Variants in BSDC1 observed in about 807,000 individuals in gnomAD.
The protein encoded by BSDC1 is BSD domain containing 1.
In BSDC1, 29 loss-of-function variants were observed where a neutral mutation model predicts 56.0. That is an observed-to-expected ratio of 0.52 (90% CI 0.39 to 0.71). BSDC1 has a LOEUF of 0.71. Among genes scored for constraint, BSDC1 ranks in the 30% least tolerant of loss-of-function variants. BSDC1 has a pLI of 0.00. For missense variants in BSDC1, 477 were observed against 548.5 expected, an observed-to-expected ratio of 0.87 and a Z score of 1.30; for synonymous variants, 210 against 215.3, an observed-to-expected ratio of 0.98 and a Z score of 0.21.
Position 32,391,473 on chromosome 1 carries a change from A to G in BSDC1, c.72+2607T>C, listed in dbSNP as rs1642864210. On this transcript the variant is annotated intron_variant, in intron 2 of 10. Coordinates refer to ENST00000455895, the MANE Select transcript of BSDC1 (RefSeq NM_018045.8). Reference sequence around the variant, plus strand: ...GGAGGAGAAGCAAATTGGAGACTGAAGAGTATGTGGGCCCAGATGAGGTTG... The same window carrying G: ...GGAGGAGAAGCAAATTGGAGACTGAGGAGTATGTGGGCCCAGATGAGGTTG... Among the ~76,000 whole-genome samples the G allele has an allele frequency of 2.0e-5, 3 of 152,206 alleles. 1 individual carries two copies. Among genetic ancestry groups the G allele is most frequent in the Admixed American group, 2.0e-4 (3 of 15,280 alleles).
chr1:32,382,867 CAAAAAA>C (rs760141230), intron 4 of BSDC1, among the ~76,000 whole-genome samples: 7 of 47,106 alleles, frequency 1.5e-4, no homozygotes, highest in African/African-American at 4.4e-4. Context: ...GAGACCGTCT[CAAAAAA>C]AAAAAAAAAA....
At chr1:32,392,925 G>T (rs1207166679) in intron 2 of BSDC1, among the ~76,000 whole-genome samples, 1 of 152,190 alleles carries the variant, frequency 6.6e-6, no homozygotes, top group Non-Finnish European at 1.5e-5. Flanking sequence ...TTAGCCAGGA[G>T]TAGTGGCACA....
At position 32,378,702 on chromosome 1, in the gene BSDC1, G is replaced by A. The variant is rs1199135651; in HGVS notation, c.528+22C>T. 2.1e-6 allele frequency: 3 copies of A among 1,429,814 alleles called. No homozygotes were observed. The highest frequency in any genetic ancestry group is 2.8e-6 in the Non-Finnish European group (3 of 1,076,676). The allele number at this position is 1,429,814 out of a possible 1,614,324, so 88.6% of individuals were successfully genotyped here. The stretch of plus-strand genomic sequence containing the variant: ...CACCTCAAGCCTGGAGCTGGCTGAG[G>A]CCCTGCAGGCTGGGCCCTCACCATC... On this transcript the variant is annotated intron_variant, in intron 6 of 10. Transcript: ENST00000455895. This position sits in a 1 kb window ranked among gnomAD's most constrained non-coding sequence, Gnocchi z 5.2.
At chr1:32,374,022 C>T (rs988815660) in intron 9 of BSDC1, among the ~76,000 whole-genome samples, 2 of 152,192 alleles carry the variant, frequency 1.3e-5, no homozygotes, top group Non-Finnish European at 2.9e-5. Flanking sequence ...CCTATTACAC[C>T]TGTCAGGCCC....
chr1:32,373,865 G>A (rs1642184614), intron 9 of BSDC1, among the ~76,000 whole-genome samples: 1 of 152,142 alleles, frequency 6.6e-6, no homozygotes, highest in African/African-American at 2.4e-5. Context: ...GGCTAAACTT[G>A]AACCTAATTA....
chr1:32,367,398 G>A, intron 10 of BSDC1: 1 of 985,444 alleles, frequency 1.0e-6, no homozygotes, highest in South Asian at 4.7e-5. Flanking sequence ...CCTGGGTATA[G>A]TGAGGTAGTC....
chr1:32,378,677 C>T lies in BSDC1; in HGVS notation c.528+47G>A. On this transcript the variant is annotated intron_variant, in intron 6 of 10. Transcript: ENST00000455895. The surrounding 1 kb of genome is among the most constrained non-coding windows in gnomAD (Gnocchi z 5.2). ...TGAACATGTCCCTCCCACCTCCCAA[C>T]ACCTCAAGCCTGGAGCTGGCTGAGG... 1.5e-6 allele frequency: 2 copies of T among 1,310,860 alleles called. No individual in the cohort carries two copies. Among genetic ancestry groups the T allele is most frequent in the Non-Finnish European group, 2.0e-6 (2 of 979,524 alleles). The allele number at this position is 1,310,860 out of a possible 1,614,324, so 81.2% of individuals were successfully genotyped here.
rs559928366 is a variant in BSDC1 at position 32,380,920 on chromosome 1, C to T, written c.412+294G>A. ...GGTTTGCTGCATGGCAGGGGCTTAGCTAACAGGAGCTGAAGAGAAGGCAAG... is the reference window on the plus strand; with the variant it reads ...GGTTTGCTGCATGGCAGGGGCTTAGTTAACAGGAGCTGAAGAGAAGGCAAG... On this transcript the variant is annotated intron_variant, in intron 5 of 10. Transcript: ENST00000455895. Among the ~76,000 whole-genome samples, 3 of 152,180 alleles carry T rather than the reference C, an allele frequency of 2.0e-5. No individual in the cohort carries two copies. In the South Asian group the frequency reaches 6.2e-4, roughly 32 times the overall value.
chr1:32,380,152 C>G (rs1332937091), intron 5 of BSDC1, among the ~76,000 whole-genome samples: 3 of 152,230 alleles, frequency 2.0e-5, no homozygotes, highest in Admixed American at 6.5e-5. Flanking sequence ...AAAATTCCAA[C>G]TGCCTGGTCT....
At chr1:32,372,859 G>C (rs146207400) in intron 9 of BSDC1, among the ~76,000 whole-genome samples, 1 of 152,162 alleles carries the variant, frequency 6.6e-6, no homozygotes, top group African/African-American at 2.4e-5. Context: ...TAGGTCACAC[G>C]GTCATGAAGT....
intron 3 of BSDC1, 167 bp downstream of exon 3, chr1:32,386,612 G>A (rs544802843): frequency 2.0e-5 from 10 of 500,318 alleles, no homozygotes; most frequent in Non-Finnish European, 3.5e-5. Flanking sequence ...CTTAAAATAT[G>A]CAGCTTGTTT....
chr1:32,393,900 C>T (rs1215647166), intron 2 of BSDC1, 180 bp downstream of exon 2: 1 of 608,688 alleles, frequency 1.6e-6, no homozygotes, highest in Non-Finnish European at 2.9e-6. Context: ...TGGCTAGTAT[C>T]ACACTGGTTT....
chr1:32,369,286 G>A, intron 9 of BSDC1: 8 of 1,289,780 alleles, frequency 6.2e-6, no homozygotes, highest in Non-Finnish European at 8.1e-6. Context: ...GAGGCTCCAA[G>A]AGAGTCACAG....
chr1:32,384,551 A>G (rs1383335377), intron 3 of BSDC1, among the ~76,000 whole-genome samples: 1 of 152,172 alleles, frequency 6.6e-6, no homozygotes. Flanking sequence ...AAACTGCAGC[A>G]TTGTAATACT....
rs979896089 is a variant in BSDC1, at chr1:32,383,857, G to C, written c.330C>G (p.Gly110=). 1 of 1,612,146 alleles carries C rather than the reference G, an allele frequency of 6.2e-7. No individual in the cohort carries two copies. The highest frequency in any genetic ancestry group is 1.3e-5 in the African/African-American group (1 of 74,834). Residue 110 remains glycine, a synonymous_variant, in exon 4 of 11, where the codon GGC becomes GGG. Transcript: ENST00000455895. ...DVITLMGTPS[G]TAEPYDGTKA... is the part of the protein sequence containing the mutation. The stretch of plus-strand genomic sequence containing the variant: ...TGGTGCCATCATAGGGCTCAGCTGT[G>C]CCAGACGGTGTGCCCATCAGGGTGA...
chr1:32,375,074 C>A (rs919320636), intron 9 of BSDC1, among the ~76,000 whole-genome samples: 17 of 152,064 alleles, frequency 1.1e-4, no homozygotes, highest in Non-Finnish European at 1.9e-4. Context: ...ATGGCGCGAA[C>A]CTGAGAGGCG....
At position 32,391,438 on chromosome 1, in the gene BSDC1, G is replaced by T. The variant is rs61003131; in HGVS notation, c.72+2642C>A. On this transcript the variant is annotated intron_variant, in intron 2 of 10. Transcript: ENST00000455895. ...AGAGTTAGGTTTTGGGAAAGTTTCTGAAGTTAAGGGGAGGAGAAGCAAATT... is the reference window on the plus strand; with the variant it reads ...AGAGTTAGGTTTTGGGAAAGTTTCTTAAGTTAAGGGGAGGAGAAGCAAATT... Among the ~76,000 whole-genome samples, 980 of 152,316 alleles carry T rather than the reference G, an allele frequency of 6.4e-3. 9 individuals are homozygous for T. Among genetic ancestry groups the T allele is most frequent in the African/African-American group, 0.022 (897 of 41,564 alleles).
At chr1:32,383,710 A>G (rs1570149554) in intron 4 of BSDC1, 120 bp downstream of exon 4, 1 of 736,520 alleles carries the variant, frequency 1.4e-6, no homozygotes. Context: ...ATTTACTATT[A>G]ATAATATACC....
At position 32,384,000 on chromosome 1, in the gene BSDC1, G is replaced by A. The variant is rs1642578446; in HGVS notation, c.190-3C>T. On this transcript the variant is annotated splice_polypyrimidine_tract_variant and splice_region_variant and intron_variant, in intron 3 of 10. Coordinates refer to ENST00000455895, the MANE Select transcript of BSDC1 (RefSeq NM_018045.8). The stretch of plus-strand genomic sequence containing the variant: ...GTTGCTCCTGAGGAGCCTTCCGTCT[G>A]TATAGAGAACGGGCAGAGGAAGCAA... The A allele has an allele frequency of 6.2e-7, 1 of 1,613,188 alleles. No homozygotes were observed. The highest frequency in any genetic ancestry group is 8.5e-7 in the Non-Finnish European group (1 of 1,180,036).
Sources: gnomAD v4.1 joint callset for allele counts (sites outside exome capture counted in the v4.1 genomes callset) on GRCh38, gnomAD v4.1.1 for gene constraint, Gnocchi (gnomAD v3.1) non-coding constraint, MANE v1.5 for transcripts, NCBI Gene and HGNC (gene_info 2026-07-23, HGNC 2026-07-21) for gene names.